Variants in MTF2 observed in about 807,000 individuals in gnomAD.
The protein encoded by MTF2 is metal-response element-binding transcription factor 2.
A neutral mutation model predicts 79.5 loss-of-function variants in MTF2; 11 were observed. The ratio of observed to expected loss-of-function variants is 0.14; its 90% CI spans 0.09 to 0.23. The LOEUF (loss-of-function observed/expected upper bound fraction) is 0.23, where lower values mean the gene tolerates loss of function less well. MTF2 is among the 10% of genes least tolerant of loss of function. The probability of loss-of-function intolerance (pLI) is 1.00; values close to 1 mark genes in which losing one functional copy is unlikely to be tolerated. For synonymous variants in MTF2, 208 were observed against 232.8 expected (o/e 0.89, Z 0.97); for missense variants, 486 against 711.2 (o/e 0.68, Z 3.60).
Position 93,137,161 on chromosome 1 carries a change from A to G in MTF2, c.*134A>G. ...AAAAAAATTCAAAAAAGGGGATGAT[A>G]CTAGCCTTAACATGTACCTGTCAAT... is the stretch of plus-strand genomic sequence containing the variant. On this transcript the variant is annotated 3_prime_UTR_variant, in exon 15 of 15. Transcript: ENST00000370298. The G allele has an allele frequency of 1.5e-6, 1 of 649,640 alleles. No homozygotes were observed. The highest frequency in any genetic ancestry group is 2.3e-5 in the South Asian group (1 of 43,460). 40.2% of individuals were successfully genotyped at this position (649,640 alleles called of 1,614,324 possible). A position where few individuals can be genotyped will look rare whatever the true frequency, so the allele number is the denominator to read the frequency against.
Position 93,134,124 on chromosome 1 carries a change from C to T in MTF2, c.1353C>T (p.Thr451=). The T allele has an allele frequency of 6.2e-7, 1 of 1,613,554 alleles. No homozygotes were observed. The highest frequency in any genetic ancestry group is 8.5e-7 in the Non-Finnish European group (1 of 1,179,688). ...RTEGTAHSSN[T]SDVDFTGASS... ...AGGGAACTGCACATTCATCCAATACCTCAGATGTGGATTTCACGGGTGCTT... is the reference window on the plus strand; with the variant it reads ...AGGGAACTGCACATTCATCCAATACTTCAGATGTGGATTTCACGGGTGCTT... Residue 451 remains threonine, a synonymous_variant, in exon 14 of 15, where the codon ACC becomes ACT. Transcript: ENST00000370298.
At chr1:93,098,758 G>C (rs1655402233) in intron 1 of MTF2, among the ~76,000 whole-genome samples, 1 of 152,228 alleles carries the variant, frequency 6.6e-6, no homozygotes. Context: ...TTCCAAGTCA[G>C]TTGGTCTGTA....
At chr1:93,093,498 G>A (rs1655156914) in intron 1 of MTF2, among the ~76,000 whole-genome samples, 1 of 151,982 alleles carries the variant, frequency 6.6e-6, no homozygotes, top group Admixed American at 6.6e-5. Context: ...AGTTGTCTTG[G>A]GGCTTTCCTT....
chr1:93,102,387 T>G (rs1001634383), intron 1 of MTF2, among the ~76,000 whole-genome samples: 2 of 151,834 alleles, frequency 1.3e-5, no homozygotes, highest in Non-Finnish European at 2.9e-5. Context: ...TTACTTGAGC[T>G]CAGGAGTTTG....
At chr1:93,106,710 G>GT (rs1477748813) in intron 1 of MTF2, among the ~76,000 whole-genome samples, 4 of 152,042 alleles carry the variant, frequency 2.6e-5, no homozygotes, top group South Asian at 2.1e-4. Flanking sequence ...GTAGAGACGG[G>GT]TTTTTTCTCC....
At chr1:93,120,862 C>A in intron 9 of MTF2, 190 bp downstream of exon 9, 1 of 1,281,206 alleles carries the variant, frequency 7.8e-7, no homozygotes, top group Admixed American at 4.4e-5. Context: ...GTGTTTGTTG[C>A]CTGTTGACTC....
intron 6 of MTF2, among the ~76,000 whole-genome samples, chr1:93,117,751 G>T (rs1656306706): frequency 6.6e-6 from 1 of 152,152 alleles, no homozygotes; most frequent in Admixed American, 6.5e-5. Context: ...CAGAGGCCTG[G>T]CATGGTGGCT....
chr1:93,105,913 A>G (rs1468600170), intron 1 of MTF2, among the ~76,000 whole-genome samples: 1 of 152,108 alleles, frequency 6.6e-6, no homozygotes, highest in East Asian at 1.9e-4. Context: ...TGACCTCGTG[A>G]TCTGCCCGAC....
chr1:93,129,518 C>T, intron 11 of MTF2, 70 bp downstream of exon 11: 2 of 1,179,956 alleles, frequency 1.7e-6, no homozygotes, highest in Non-Finnish European at 2.3e-6. Context: ...GTTATTTAGT[C>T]TCCTTAGTAT....
intron 3 of MTF2, among the ~76,000 whole-genome samples, chr1:93,113,516 C>T (rs879780509): frequency 1.8e-4 from 27 of 151,920 alleles, no homozygotes; most frequent in Admixed American, 1.3e-3. Flanking sequence ...CCTGTATGTC[C>T]GAGAGTAGAG....
chr1:93,088,513 ATGTT>A (rs1426853658), intron 1 of MTF2, among the ~76,000 whole-genome samples: 1 of 152,186 alleles, frequency 6.6e-6, no homozygotes, highest in Non-Finnish European at 1.5e-5. Flanking sequence ...CTGTTTCTAA[ATGTT>A]TGGTATTTAC....
intron 7 of MTF2, 26 bp from the exon 8 acceptor site, chr1:93,119,307 C>A: frequency 7.1e-7 from 1 of 1,404,544 alleles, no homozygotes. Context: ...CAGTATAAAA[C>A]TTTTTCTTTT....
chr1:93,113,216 C>CA (rs34291057), intron 3 of MTF2, among the ~76,000 whole-genome samples: 18,505 of 106,906 alleles, frequency 0.17, 1,454 homozygotes, highest in East Asian at 0.34. Context: ...CCTGTCGCTA[C>CA]AAAAAAAAAA....
At position 93,079,451 on chromosome 1, in the gene MTF2, C is replaced by A; in HGVS notation, c.-76C>A. The A allele has an allele frequency of 4.4e-6, 7 of 1,600,158 alleles. No homozygotes were observed. The highest frequency in any genetic ancestry group is 6.0e-6 in the Non-Finnish European group (7 of 1,168,478). On this transcript the variant is annotated 5_prime_UTR_variant, in exon 1 of 15. Coordinates refer to ENST00000370298, the MANE Select transcript of MTF2 (RefSeq NM_007358.4). ...CGGGTGCCCAGTAAGTGCTCGGACT[C>A]GCAGGGGAAGCGCCCACGGGGACGG...
At chr1:93,117,251 AT>A (rs927330400) in intron 6 of MTF2, among the ~76,000 whole-genome samples, 1 of 152,196 alleles carries the variant, frequency 6.6e-6, no homozygotes, top group African/African-American at 2.4e-5. Context: ...TCAAAACCAC[AT>A]ACTAGCTGGG....
intron 3 of MTF2, among the ~76,000 whole-genome samples, chr1:93,112,363 T>G (rs770621558): frequency 7.0e-6 from 1 of 142,414 alleles, no homozygotes; most frequent in Non-Finnish European, 1.5e-5. Flanking sequence ...TATATTTGTC[T>G]AATGAGTTTC....
chr1:93,131,646 G>T (rs1205046340), intron 11 of MTF2, among the ~76,000 whole-genome samples: 1 of 152,188 alleles, frequency 6.6e-6, no homozygotes, highest in African/African-American at 2.4e-5. Context: ...GCCGACAAAT[G>T]GAATGGCAGC....
At chr1:93,121,715 A>G in intron 9 of MTF2, 3 of 949,262 alleles carry the variant, frequency 3.2e-6, no homozygotes, top group Non-Finnish European at 3.8e-6. Context: ...ATTATCATAC[A>G]AATTTTTGTT....
intron 1 of MTF2, among the ~76,000 whole-genome samples, chr1:93,102,830 T>C (rs1655600993): frequency 6.6e-6 from 1 of 151,842 alleles, no homozygotes; most frequent in African/African-American, 2.4e-5. Context: ...ATGAAATAAT[T>C]TTAGCCATGA....
Sources: allele counts gnomAD v4.1 joint callset (sites outside exome capture counted in the v4.1 genomes callset), GRCh38; gene constraint gnomAD v4.1.1; transcripts MANE v1.5; gene names NCBI Gene and HGNC (gene_info 2026-07-23, HGNC 2026-07-21).